Variants in GRIK2 observed in about 807,000 individuals in gnomAD.
The protein encoded by GRIK2 is glutamate receptor ionotropic, kainate 2.
GRIK2 carries 32 observed loss-of-function variants against 100.3 expected under a neutral mutation model. That is an observed-to-expected ratio of 0.32 (90% CI 0.24 to 0.43). The LOEUF (loss-of-function observed/expected upper bound fraction) is 0.43, where lower values mean the gene tolerates loss of function less well. Ranked by LOEUF, GRIK2 falls within the 20% of genes least tolerant of loss-of-function variation. The probability of loss-of-function intolerance (pLI) is 1.00; values close to 1 mark genes in which losing one functional copy is unlikely to be tolerated. For missense variants in GRIK2, 843 were observed against 1,114.9 expected, an observed-to-expected ratio of 0.76 and a Z score of 3.47; for synonymous variants, 417 against 389.4, an observed-to-expected ratio of 1.07 and a Z score of -0.83.
At chr6:101,601,935 T>G (rs1779233486) in intron 2 of GRIK2, among the ~76,000 whole-genome samples, 1 of 151,740 alleles carries the variant, frequency 6.6e-6, no homozygotes, top group South Asian at 2.1e-4. Flanking sequence ...TTTTATTCAG[T>G]TCCTGTCTAA....
chr6:102,030,154 T>C (rs1396108699), intron 14 of GRIK2, among the ~76,000 whole-genome samples: 2 of 151,222 alleles, frequency 1.3e-5, no homozygotes, highest in African/African-American at 4.8e-5. Context: ...GTTGAACTCA[T>C]AGAAGCAGGG....
At chr6:101,561,123 G>A (rs1358468952) in intron 2 of GRIK2, among the ~76,000 whole-genome samples, 2 of 152,102 alleles carry the variant, frequency 1.3e-5, no homozygotes, top group African/African-American at 4.8e-5. Flanking sequence ...GTATTCTTTT[G>A]TTAAAGAATA....
intron 4 of GRIK2, among the ~76,000 whole-genome samples, chr6:101,638,613 G>A (rs189048904): frequency 2.0e-5 from 3 of 152,046 alleles, no homozygotes; most frequent in Non-Finnish European, 4.4e-5. Flanking sequence ...AAGGAGCCAC[G>A]TTTTAGTTTT....
At chr6:102,005,183 C>A (rs1451915182) in intron 14 of GRIK2, among the ~76,000 whole-genome samples, 1 of 150,838 alleles carries the variant, frequency 6.6e-6, no homozygotes, top group African/African-American at 2.4e-5. Flanking sequence ...TACACAATTC[C>A]CTCTAAGATA....
chr6:101,628,418 G>A (rs1042882534), intron 4 of GRIK2, among the ~76,000 whole-genome samples: 1 of 151,810 alleles, frequency 6.6e-6, no homozygotes, highest in African/African-American at 2.4e-5. Flanking sequence ...ATTATTAAGA[G>A]TCCTTAAAAA....
intron 4 of GRIK2, among the ~76,000 whole-genome samples, chr6:101,673,456 C>T (rs1274656517): frequency 1.3e-5 from 2 of 152,112 alleles, no homozygotes; most frequent in African/African-American, 4.8e-5. Context: ...GGTTAAAGCC[C>T]CAATTCTTTC....
intron 2 of GRIK2, among the ~76,000 whole-genome samples, chr6:101,507,711 C>A (rs971551158): frequency 3.9e-5 from 6 of 152,026 alleles, no homozygotes; most frequent in Non-Finnish European, 1.5e-5. Flanking sequence ...AAAAACTAAG[C>A]TATGTTTTAT....
intron 4 of GRIK2, among the ~76,000 whole-genome samples, chr6:101,630,508 C>A (rs1287499668): frequency 6.6e-6 from 1 of 152,088 alleles, no homozygotes; most frequent in African/African-American, 2.4e-5. Flanking sequence ...GCATGTACAT[C>A]TTCTTTTGAG....
intron 10 of GRIK2, among the ~76,000 whole-genome samples, chr6:101,826,025 C>G (rs1782303436): frequency 6.6e-6 from 1 of 152,006 alleles, no homozygotes; most frequent in African/African-American, 2.4e-5. Context: ...CTGATTTTGC[C>G]TATATTTTCA....
Position 102,055,585 on chromosome 6 carries a change from A to G in GRIK2, c.2562+5A>G, listed in dbSNP as rs1771423310. ...AAAAACGCTCAATTGGAAAAGGTAA[A>G]TGTTACTTGTTTCAGTTTAAATTTA... On this transcript the variant is annotated splice_donor_5th_base_variant and intron_variant, in intron 16 of 16. Transcript: ENST00000369134. 5.7e-6 allele frequency: 9 copies of G among 1,591,336 alleles called. No homozygotes were observed. The highest frequency in any genetic ancestry group is 7.7e-6 in the Non-Finnish European group (9 of 1,162,208).
At chr6:101,444,967 T>C (rs1770290595) in intron 2 of GRIK2, among the ~76,000 whole-genome samples, 1 of 152,080 alleles carries the variant, frequency 6.6e-6, no homozygotes, top group Non-Finnish European at 1.5e-5. Flanking sequence ...CAATCTAATC[T>C]TAGATTTAAT....
At chr6:101,929,935 T>G (rs1393260066) in intron 14 of GRIK2, among the ~76,000 whole-genome samples, 2 of 152,192 alleles carry the variant, frequency 1.3e-5, no homozygotes, top group Non-Finnish European at 2.9e-5. Flanking sequence ...TTCAGTATGG[T>G]CCTATTTGAC....
intron 2 of GRIK2, among the ~76,000 whole-genome samples, chr6:101,494,250 A>G (rs1773310238): frequency 6.6e-6 from 1 of 151,322 alleles, no homozygotes; most frequent in Non-Finnish European, 1.5e-5. Flanking sequence ...TAAGTCTTCA[A>G]TAAACGTGAA....
intron 7 of GRIK2, among the ~76,000 whole-genome samples, chr6:101,760,708 A>G (rs1437148089): frequency 2.0e-5 from 2 of 101,934 alleles, no homozygotes; most frequent in Non-Finnish European, 3.4e-5. Context: ...ATATAATTAT[A>G]TATTTAATTA....
chr6:101,705,629 G>T (rs1773219136), intron 7 of GRIK2, among the ~76,000 whole-genome samples: 1 of 151,776 alleles, frequency 6.6e-6, no homozygotes, highest in African/African-American at 2.4e-5. Flanking sequence ...AAGGAAACAT[G>T]CAGTTTGGTC....
intron 4 of GRIK2, among the ~76,000 whole-genome samples, chr6:101,664,347 T>C (rs1336205160): frequency 6.6e-6 from 1 of 152,226 alleles, no homozygotes; most frequent in African/African-American, 2.4e-5. Context: ...TGTCCATGAC[T>C]GGTGCTCCAG....
intron 5 of GRIK2, among the ~76,000 whole-genome samples, chr6:101,680,202 T>C (rs748862484): frequency 1.3e-5 from 2 of 152,174 alleles, no homozygotes; most frequent in Non-Finnish European, 2.9e-5. Flanking sequence ...GAAATACATA[T>C]GTCAGAACAA....
intron 2 of GRIK2, among the ~76,000 whole-genome samples, chr6:101,517,521 A>AT (rs1562195426): frequency 7.4e-6 from 1 of 135,054 alleles, no homozygotes; most frequent in Non-Finnish European, 1.5e-5. Context: ...TGAGATAATT[A>AT]ATTTTTTTTT....
chr6:101,743,238 AC>A (rs1776161650), intron 7 of GRIK2, among the ~76,000 whole-genome samples: 1 of 152,114 alleles, frequency 6.6e-6, no homozygotes, highest in Admixed American at 6.5e-5. Flanking sequence ...AACAATCGTT[AC>A]CATGGTGACC....
Sources: gnomAD v4.1 joint callset for allele counts (sites outside exome capture counted in the v4.1 genomes callset) on GRCh38, gnomAD v4.1.1 for gene constraint, MANE v1.5 for transcripts, NCBI Gene and HGNC (gene_info 2026-07-23, HGNC 2026-07-21) for gene names.